Variants in COMMD7 observed in about 807,000 individuals in gnomAD.
COMMD7 encodes COMM domain-containing protein 7.
A neutral mutation model predicts 34.8 loss-of-function variants in COMMD7; 28 were observed. The observed-to-expected ratio is 0.80, with a 90% CI of 0.60 to 1.10. COMMD7 has a LOEUF of 1.10. Ranked by LOEUF, COMMD7 falls within the 50% of genes least tolerant of loss-of-function variation. The pLI is 0.00. For synonymous variants in COMMD7, 80 were observed against 86.4 expected, an observed-to-expected ratio of 0.93 and a Z score of 0.41; for missense variants, 211 against 241.6, an observed-to-expected ratio of 0.87 and a Z score of 0.84.
chr20:32,731,234 C>T (rs567901071), intron 1 of COMMD7, among the ~76,000 whole-genome samples: 26 of 152,306 alleles, frequency 1.7e-4, no homozygotes, highest in African/African-American at 5.8e-4. Context: ...AGGAGGATTG[C>T]TTCAGCCCAG....
At chr20:32,733,714 C>G (rs1985972965) in intron 1 of COMMD7, among the ~76,000 whole-genome samples, 1 of 78,116 alleles carries the variant, frequency 1.3e-5, no homozygotes, top group African/African-American at 4.4e-5. Context: ...AAGACTCCAT[C>G]TCAAAAAAAA....
chr20:32,725,137 A>G (rs1985429889), intron 3 of COMMD7, among the ~76,000 whole-genome samples: 1 of 151,774 alleles, frequency 6.6e-6, no homozygotes, highest in Non-Finnish European at 1.5e-5. Flanking sequence ...TAGATTAACT[A>G]AAAGGAGATA....
intron 5 of COMMD7, among the ~76,000 whole-genome samples, chr20:32,705,371 TA>T (rs1437294187): frequency 0.041 from 3,905 of 95,960 alleles, 85 homozygotes; most frequent in Non-Finnish European, 0.069. Context: ...TATATATATA[TA>T]TATATTTTTT....
intron 1 of COMMD7, among the ~76,000 whole-genome samples, chr20:32,729,994 C>T (rs550316912): frequency 1.1e-4 from 16 of 152,008 alleles, no homozygotes; most frequent in Non-Finnish European, 1.8e-4. Flanking sequence ...GCCTGGACGA[C>T]AGATTGAGAC....
At chr20:32,704,741 G>A (rs1330380656) in intron 6 of COMMD7, 73 bp downstream of exon 6, 14 of 1,105,774 alleles carry the variant, frequency 1.3e-5, no homozygotes, top group Non-Finnish European at 1.7e-5. Context: ...CTTCCCCATA[G>A]TGGCTGTGTC....
rs912861353 is a variant in COMMD7 at position 32,704,375 on chromosome 20, A to T, written c.477+65T>A. The T allele has an allele frequency of 2.5e-4, 334 of 1,330,332 alleles. 7 individuals are homozygous for T. Among genetic ancestry groups the T allele is most frequent in the Non-Finnish European group, 3.2e-4 (310 of 971,936 alleles). The allele number at this position is 1,330,332 out of a possible 1,614,324, so 82.4% of individuals were successfully genotyped here. A position where few individuals can be genotyped will look rare whatever the true frequency, so the allele number is the denominator to read the frequency against. ...TCCATTTAAATATCCATTTAACCCA[A>T]TGTAGATATAATTTTTAACCAAGTC... On this transcript the variant is annotated intron_variant, in intron 7 of 8. Transcript: ENST00000278980.
At position 32,737,379 on chromosome 20, in the gene COMMD7, A is replaced by AAAAAAAAAAAAAAAAAAAG. The variant is rs1387669938; in HGVS notation, c.84+5928_84+5929insCTTTTTTTTTTTTTTTTTT. ...AGCAAGACTCCGTCTCAAAAAAAAA[A>AAAAAAAAAAAAAAAAAAAG]GATAAGCCAGGCACGGTGGTACATG... On this transcript the variant is annotated intron_variant, in intron 1 of 8. Transcript: ENST00000278980. 2.5e-3 allele frequency among the ~76,000 whole-genome samples: 251 copies of AAAAAAAAAAAAAAAAAAAG among 101,544 alleles called. 49 individuals carry two copies. The highest frequency in any genetic ancestry group is 3.8e-3 in the Non-Finnish European group (190 of 49,816). 66.6% of individuals were successfully genotyped at this position (101,544 alleles called of 152,430 possible). A position where few individuals can be genotyped will look rare whatever the true frequency, so the allele number is the denominator to read the frequency against.
At chr20:32,703,847 TG>T (rs1437448053) in intron 8 of COMMD7, 175 bp downstream of exon 8, 28 of 1,545,360 alleles carry the variant, frequency 1.8e-5, no homozygotes, top group Non-Finnish European at 2.4e-5. Flanking sequence ...AACCTGCCAG[TG>T]GCTTTCTAAC....
intron 5 of COMMD7, 69 bp downstream of exon 5, chr20:32,706,512 CAA>C (rs372047124): frequency 8.1e-3 from 8,321 of 1,029,850 alleles, no homozygotes; most frequent in South Asian, 0.01. Context: ...GACTCCATCT[CAA>C]AAAAAAAAAA....
chr20:32,703,424 G>T lies in COMMD7; in HGVS notation c.561C>A (p.His187Gln). 6.2e-7 allele frequency: 1 copy of T among 1,614,006 alleles called. No individual in the cohort carries two copies. The highest frequency in any genetic ancestry group is 8.5e-7 in the Non-Finnish European group (1 of 1,179,982). Residue 187 changes from histidine to glutamine, a missense_variant, in exon 9 of 9, where the codon CAC becomes CAA. Coordinates refer to ENST00000278980, the MANE Select transcript of COMMD7 (RefSeq NM_053041.3). ...TGCTGGTTCTGACTCGCTCCATCTC[G>T]TGCAGGAAGCTGTAGAACTGAGGCA... ...LTLPQFYSFLHEMERVRTSME... is the reference protein window; with the variant it reads ...LTLPQFYSFLQEMERVRTSME...
rs1555822523 is a variant in COMMD7 at position 32,707,294 on chromosome 20, A to AATAT, written c.242-538_242-535dup. Among the ~76,000 whole-genome samples, 25 of 129,204 alleles carry AATAT rather than the reference A, an allele frequency of 1.9e-4. 1 individual carries two copies. The highest frequency in any genetic ancestry group is 2.7e-4 in the Non-Finnish European group (17 of 62,398). 84.8% of individuals were successfully genotyped at this position (129,204 alleles called of 152,430 possible). On this transcript the variant is annotated intron_variant, in intron 3 of 8. Coordinates refer to ENST00000278980, the MANE Select transcript of COMMD7 (RefSeq NM_053041.3). The stretch of plus-strand genomic sequence containing the variant: ...GCGAGACTCCGTCTCAAAAAAAAAA[A>AATAT]ATATATATATATATACTTATCTCAA...
In COMMD7 at chr20:32,728,145, G is replaced by A; in HGVS notation, c.85-3C>T. On this transcript the variant is annotated splice_polypyrimidine_tract_variant and splice_region_variant and intron_variant, in intron 1 of 8. Coordinates refer to ENST00000278980, the MANE Select transcript of COMMD7 (RefSeq NM_053041.3). ...ACCTCTGTCAGGGCTGAGAACTGCT[G>A]TGAAGAAAACAACACAGAACATCAG... is the stretch of plus-strand genomic sequence containing the variant. 1 of 1,614,020 alleles carries A rather than the reference G, an allele frequency of 6.2e-7. No individual in the cohort carries two copies. Among genetic ancestry groups the A allele is most frequent in the Non-Finnish European group, 8.5e-7 (1 of 1,179,938 alleles).
intron 6 of COMMD7, 59 bp from the exon 7 acceptor site, chr20:32,704,548 G>C: frequency 6.4e-7 from 1 of 1,566,686 alleles, no homozygotes; most frequent in Non-Finnish European, 8.7e-7. Flanking sequence ...GACTGATTGA[G>C]GACTGACCCT....
intron 1 of COMMD7, 63 bp downstream of exon 1, chr20:32,743,245 A>AC: frequency 1.2e-5 from 3 of 259,374 alleles, no homozygotes; most frequent in Non-Finnish European, 1.3e-5. Context: ...CGTCCCCCCC[A>AC]CCCCAGGCCC....
intron 3 of COMMD7, among the ~76,000 whole-genome samples, chr20:32,718,897 G>C (rs1301730236): frequency 2.0e-5 from 3 of 152,120 alleles, no homozygotes; most frequent in Non-Finnish European, 4.4e-5. Context: ...ATGTGTGCTT[G>C]AATCTCCAGG....
chr20:32,729,942 G>A (rs1985743827), intron 1 of COMMD7, among the ~76,000 whole-genome samples: 1 of 152,094 alleles, frequency 6.6e-6, no homozygotes, highest in Admixed American at 6.6e-5. Context: ...GAATCCAGGA[G>A]GCAGGGGTTG....
At chr20:32,738,459 C>T (rs539405141) in intron 1 of COMMD7, among the ~76,000 whole-genome samples, 12 of 152,162 alleles carry the variant, frequency 7.9e-5, no homozygotes, top group South Asian at 4.2e-4. Flanking sequence ...TGGTGGTGCA[C>T]GCCTGTAGTC....
intron 1 of COMMD7, among the ~76,000 whole-genome samples, chr20:32,738,254 T>C (rs1986251527): frequency 1.3e-5 from 2 of 152,176 alleles, no homozygotes; most frequent in South Asian, 2.1e-4. Flanking sequence ...GCCACTTAAG[T>C]AGCTAGAACT....
chr20:32,727,977 G>A lies in COMMD7; in HGVS notation c.157C>T (p.Gln53Ter), dbSNP rs1568789149. ...EPKEVERFLA[Q>*]LSEFATTNQI... is the part of the protein sequence containing the mutation. ...TTGGTGGTGGCAAATTCAGAGAGCT[G>A]AGCCAGAAATCTTTCCACCTGCAGA... is the stretch of plus-strand genomic sequence containing the variant. Residue 53 changes from glutamine to a stop codon, truncating the protein, a stop_gained, in exon 3 of 9, where the codon CAG (glutamine) becomes TAG (stop). Transcript: ENST00000278980. LOFTEE classifies it high-confidence loss of function. 1.9e-6 allele frequency: 3 copies of A among 1,614,114 alleles called. No individual in the cohort carries two copies. The highest frequency in any genetic ancestry group is 2.5e-6 in the Non-Finnish European group (3 of 1,179,994).
Sources: gnomAD v4.1 joint callset for allele counts (sites outside exome capture counted in the v4.1 genomes callset) on GRCh38, gnomAD v4.1.1 for gene constraint, MANE v1.5 for transcripts, NCBI Gene and HGNC (gene_info 2026-07-23, HGNC 2026-07-21) for gene names.